Variants in COL4A1 observed in about 807,000 individuals in gnomAD.
COL4A1 encodes collagen alpha-1(IV) chain.
Under a neutral mutation model 216.6 loss-of-function variants are expected in COL4A1, and 40 were observed. The ratio of observed to expected loss-of-function variants is 0.18; its 90% CI spans 0.14 to 0.24. The LOEUF is 0.24. Among genes scored for constraint, COL4A1 ranks in the 10% least tolerant of loss-of-function variants. The pLI is 1.00. For synonymous variants in COL4A1, 839 were observed against 810.7 expected (o/e 1.03, Z -0.59); for missense variants, 1,628 against 2,196.8 (o/e 0.74, Z 5.18).
In COL4A1 at chr13:110,187,322, T is replaced by G; in HGVS notation, c.1544A>C (p.Gln515Pro). 2 of 1,612,226 alleles carry G rather than the reference T, an allele frequency of 1.2e-6. No individual in the cohort carries two copies. Among genetic ancestry groups the G allele is most frequent in the Non-Finnish European group, 1.7e-6 (2 of 1,179,840 alleles). Residue 515 changes from glutamine (Q) to proline (P), a missense_variant, in exon 25 of 52, where the codon CAA becomes CCA. Around this residue, in one of 8 missense-constraint regions of COL4A1, gnomAD observed 701 missense variants for 892.5 expected, o/e 0.79. Transcript: ENST00000375820. ...RDGVAGVPGPQGTPGLIGQPG... is the reference protein window; with the variant it reads ...RDGVAGVPGPPGTPGLIGQPG... ...CTGGCCTATCAGCCCTGGTGTACCT[T>G]GAGGGCCCTGTAAGAACAAAGCCTT... is the stretch of plus-strand genomic sequence containing the variant.
Position 110,176,971 on chromosome 13 carries a change from T to C in COL4A1, c.2783A>G (p.Asp928Gly). 1.2e-6 allele frequency: 2 copies of C among 1,613,996 alleles called. No homozygotes were observed. The highest frequency in any genetic ancestry group is 1.7e-6 in the Non-Finnish European group (2 of 1,179,992). The change falls in exon 34 of 52, where the codon GAT becomes GGT. Residue 928 changes from aspartate (D) to glycine (G), a missense_variant. Physicochemically the swap from Asp to Gly is moderately conservative, Grantham distance 94. This residue lies in a region of COL4A1 where 701 missense variants were observed against 892.5 expected (regional missense o/e 0.79). Coordinates refer to ENST00000375820, the MANE Select transcript of COL4A1 (RefSeq NM_001845.6). ...GDPGLKGDKG[D>G]VGLPGKPGSM... ...GCCAGGCTTGCCAGGGAGACCGACA[T>C]CCCCCTTATCACCTTTCAAGCCAGG...
At position 110,211,972 on chromosome 13, in the gene COL4A1, A is replaced by AG; in HGVS notation, c.388-51_388-50insC. On this transcript the variant is annotated intron_variant, in intron 6 of 51. Transcript: ENST00000375820. The surrounding 1 kb of genome is among the most constrained non-coding windows in gnomAD (Gnocchi z 4.3). ...CATACGCACTGTGTGTGGCAGACAC[A>AG]TCAGCCCTGACATCGCATGCATCAC... is the stretch of plus-strand genomic sequence containing the variant. The AG allele has an allele frequency of 6.4e-7, 1 of 1,555,706 alleles. No homozygotes were observed. Among genetic ancestry groups the AG allele is most frequent in the Non-Finnish European group, 8.9e-7 (1 of 1,126,810 alleles).
At position 110,306,234 on chromosome 13, in the gene COL4A1, T is replaced by C. The variant is rs192827304; in HGVS notation, c.84+710A>G. Among the ~76,000 whole-genome samples, 266 of 152,278 alleles carry C rather than the reference T, an allele frequency of 1.7e-3. 2 individuals are homozygous for C. Among genetic ancestry groups the C allele is most frequent in the African/African-American group, 6.1e-3 (252 of 41,554 alleles). ...GAAAAACAATTTGTGCATGGAACAA[T>C]GACATGGAGTTTCACTTTGGTTTCA... On this transcript the variant is annotated intron_variant, in intron 1 of 51. Coordinates refer to ENST00000375820, the MANE Select transcript of COL4A1 (RefSeq NM_001845.6).
intron 33 of COL4A1, 67 bp downstream of exon 33, chr13:110,177,775 G>C (rs977497147): frequency 2.0e-6 from 3 of 1,530,172 alleles, no homozygotes; most frequent in Non-Finnish European, 2.7e-6. Flanking sequence ...ATGACAACTT[G>C]AGAATTTCCC....
chr13:110,201,800 G>A, intron 18 of COL4A1: 1 of 581,960 alleles, frequency 1.7e-6, no homozygotes, highest in South Asian at 1.4e-5. Context: ...TGGTCAATAT[G>A]GTGAAACCCC....
chr13:110,288,996 C>A (rs1406378684), intron 1 of COL4A1, among the ~76,000 whole-genome samples: 1 of 152,162 alleles, frequency 6.6e-6, no homozygotes, highest in Non-Finnish European at 1.5e-5. Context: ...CAAGATCGTG[C>A]CACTGCACTC....
chr13:110,253,783 ACG>A (rs1206798273), intron 1 of COL4A1, among the ~76,000 whole-genome samples: 5 of 113,666 alleles, frequency 4.4e-5, no homozygotes, highest in East Asian at 4.8e-4. Context: ...TATTATATAT[ACG>A]TATAATTATA....
At position 110,206,705 on chromosome 13, in the gene COL4A1, C is replaced by T. The variant is rs763265579; in HGVS notation, c.818G>A (p.Gly273Glu). The change falls in exon 15 of 52, where the codon GGG (glycine) becomes GAG (glutamate). Residue 273 changes from glycine (G) to glutamate (E), a missense_variant. Around this residue, in one of 8 missense-constraint regions of COL4A1, gnomAD observed 701 missense variants for 892.5 expected, o/e 0.79. Coordinates refer to ENST00000375820, the MANE Select transcript of COL4A1 (RefSeq NM_001845.6). ...TCCGGGTTCACCTTTCTCTCCGACC[C>T]CTGGCATCCCCTTAAAGGAATAAAA... ...KGEPGFQGMP[G>E]VGEKGEPGKP... The T allele has an allele frequency of 6.2e-7, 1 of 1,614,152 alleles. No homozygotes were observed. The highest frequency in any genetic ancestry group is 1.7e-5 in the Admixed American group (1 of 60,024).
chr13:110,218,819 A>T lies in COL4A1; in HGVS notation c.145-4804T>A, dbSNP rs1009745686. Among the ~76,000 whole-genome samples, 5 of 152,198 alleles carry T rather than the reference A, an allele frequency of 3.3e-5. No individual in the cohort carries two copies. The South Asian group carries it at 1.0e-3, about 31-fold the overall frequency. ...CTGCTTTCTGTCATCTAGCGCCTCG[A>T]GATTTCCATTTACGAGCAGACTGCA... On this transcript the variant is annotated intron_variant, in intron 2 of 51. Transcript: ENST00000375820.
chr13:110,172,872 T>C, intron 40 of COL4A1, 102 bp from the exon 41 acceptor site: 1 of 930,898 alleles, frequency 1.1e-6, no homozygotes. Context: ...CTACGTATAT[T>C]GTGGAGTACA....
intron 1 of COL4A1, among the ~76,000 whole-genome samples, chr13:110,274,388 C>A (rs952280851): frequency 6.6e-6 from 1 of 152,144 alleles, no homozygotes; most frequent in Non-Finnish European, 1.5e-5. Flanking sequence ...ATCTGATGCA[C>A]GTATAATTCA....
At chr13:110,179,914 T>G (rs1445822727) in intron 29 of COL4A1, among the ~76,000 whole-genome samples, 1 of 152,240 alleles carries the variant, frequency 6.6e-6, no homozygotes, top group African/African-American at 2.4e-5. Context: ...AACTATGGCA[T>G]GAGTCACTGG....
In COL4A1 at chr13:110,209,422, G is replaced by T; in HGVS notation, c.621C>A (p.Pro207=). The T allele has an allele frequency of 6.2e-7, 1 of 1,607,552 alleles. No individual in the cohort carries two copies. Among genetic ancestry groups the T allele is most frequent in the Non-Finnish European group, 8.5e-7 (1 of 1,177,162 alleles). Residue 207 remains proline (P), a synonymous_variant, in exon 11 of 52, where the codon CCC becomes CCA. Transcript: ENST00000375820. ...GPPGFTGPPG[P]PGPPGPPGEK... is the part of the protein sequence containing the mutation. The stretch of plus-strand genomic sequence containing the variant: ...CACCTGGAGGGCCGGGAGGGCCTGG[G>T]GGACCCTGGGAGAGACAGCATTTTA...
chr13:110,253,304 ATATGTAT>A (rs1882286732), intron 1 of COL4A1, among the ~76,000 whole-genome samples: 1 of 95,898 alleles, frequency 1.0e-5, no homozygotes, highest in African/African-American at 3.9e-5. Flanking sequence ...ACATATAATT[ATATGTAT>A]TACATATACA....
In COL4A1 at chr13:110,169,070, G is replaced by T. The variant is rs144697592; in HGVS notation, c.3876+559C>A. Among the ~76,000 whole-genome samples, 1,078 of 150,944 alleles carry T rather than the reference G, an allele frequency of 7.1e-3. 19 individuals are homozygous for T. Among genetic ancestry groups the T allele is most frequent in the African/African-American group, 0.025 (1,026 of 41,166 alleles). On this transcript the variant is annotated intron_variant, in intron 43 of 51. Transcript: ENST00000375820. ...ACACACACACACAGAAATACACAAG[G>T]CTGCTGGTCACTTATTGCACCCTGA...
In COL4A1 at chr13:110,179,209, G is replaced by T. The variant is rs562379579; in HGVS notation, c.2344+62C>A. 40 of 1,603,180 alleles carry T rather than the reference G, an allele frequency of 2.5e-5. No individual in the cohort carries two copies. The African/African-American group carries it at 4.9e-4, about 20-fold the overall frequency. On this transcript the variant is annotated intron_variant, in intron 30 of 51. Transcript: ENST00000375820. ...TCAAATATACTCGGTAGGGGCTCTG[G>T]GAATGCAAAAATAAGCACATCCTGT... is the stretch of plus-strand genomic sequence containing the variant.
chr13:110,217,383 C>A (rs144147043), intron 2 of COL4A1, among the ~76,000 whole-genome samples: 5 of 152,198 alleles, frequency 3.3e-5, no homozygotes, highest in Non-Finnish European at 1.5e-5. Flanking sequence ...ACCACAGTGA[C>A]CCCCCACTTC....
At chr13:110,221,804 T>G (rs1317902713) in intron 2 of COL4A1, among the ~76,000 whole-genome samples, 1 of 152,030 alleles carries the variant, frequency 6.6e-6, no homozygotes, top group African/African-American at 2.4e-5. Context: ...TTTAAGTCAG[T>G]CCCCCAGAGC....
chr13:110,261,610 CCTAGAGAGAA>C (rs1367665923), intron 1 of COL4A1, among the ~76,000 whole-genome samples: 1 of 152,190 alleles, frequency 6.6e-6, no homozygotes, highest in Non-Finnish European at 1.5e-5. Flanking sequence ...TTCCATCCCT[CCTAGAGAGAA>C]CTCACATCCT....
Sources: allele counts gnomAD v4.1 joint callset (sites outside exome capture counted in the v4.1 genomes callset), GRCh38; gene constraint gnomAD v4.1.1; regional missense constraint gnomAD v4.1.1; non-coding constraint Gnocchi (gnomAD v3.1); transcripts MANE v1.5; gene names NCBI Gene and HGNC (gene_info 2026-07-23, HGNC 2026-07-21).